FBXW11: variants seen among roughly 807,000 people sequenced by gnomAD.
FBXW11 encodes the protein F-box/WD repeat-containing protein 11.
FBXW11 carries 19 observed loss-of-function variants against 77.6 expected under a neutral mutation model. That is an observed-to-expected ratio of 0.24 (90% CI 0.17 to 0.36). The LOEUF is 0.36. FBXW11 is among the 10% of genes least tolerant of loss of function. FBXW11 has a pLI of 1.00. For synonymous variants in FBXW11, 235 were observed against 249.4 expected, an observed-to-expected ratio of 0.94 and a Z score of 0.54; for missense variants, 334 against 704.2, an observed-to-expected ratio of 0.47 and a Z score of 5.95.
intron 2 of FBXW11, among the ~76,000 whole-genome samples, chr5:171,931,860 CCTCTCTCTCT>C (rs149065535): frequency 0.037 from 234 of 6,266 alleles, 10 homozygotes; most frequent in African/African-American, 0.076. Flanking sequence ...TCCCTCCCTC[CCTCTCTCTCT>C]CTCTCTCTCT....
chr5:171,935,137 T>G (rs574916794), intron 2 of FBXW11, among the ~76,000 whole-genome samples: 1 of 152,284 alleles, frequency 6.6e-6, no homozygotes, highest in East Asian at 1.9e-4. Context: ...TTTTGTATTT[T>G]TAGTAGAGAC....
intron 1 of FBXW11, among the ~76,000 whole-genome samples, chr5:171,981,931 CA>C (rs1400466253): frequency 6.6e-6 from 1 of 152,146 alleles, no homozygotes; most frequent in African/African-American, 2.4e-5. Flanking sequence ...ACAGTATGTG[CA>C]TCTTGTATGA....
chr5:171,961,835 C>T (rs768125373), intron 1 of FBXW11, among the ~76,000 whole-genome samples: 2 of 152,058 alleles, frequency 1.3e-5, no homozygotes, highest in South Asian at 2.1e-4. Flanking sequence ...TTAGTAGAGA[C>T]GGGGTTTCAC....
intron 7 of FBXW11, among the ~76,000 whole-genome samples, chr5:171,878,552 G>A (rs1262176711): frequency 3.3e-5 from 3 of 92,270 alleles, no homozygotes; most frequent in Non-Finnish European, 5.9e-5. Flanking sequence ...ATCTCCATAA[G>A]AGTGTGTGAG....
At chr5:171,909,250 C>A (rs1760732179) in intron 4 of FBXW11, among the ~76,000 whole-genome samples, 1 of 152,100 alleles carries the variant, frequency 6.6e-6, no homozygotes, top group Non-Finnish European at 1.5e-5. Flanking sequence ...GAGCTCAAGG[C>A]CAGCCTGGCC....
At chr5:171,968,932 T>C (rs1182075201) in intron 1 of FBXW11, among the ~76,000 whole-genome samples, 1 of 152,162 alleles carries the variant, frequency 6.6e-6, no homozygotes, top group Non-Finnish European at 1.5e-5. Context: ...CTACTTTCAT[T>C]TAACAGAGGG....
intron 7 of FBXW11, among the ~76,000 whole-genome samples, chr5:171,885,640 A>G (rs1299383359): frequency 1.3e-5 from 2 of 152,198 alleles, no homozygotes; most frequent in African/African-American, 4.8e-5. Context: ...TAATCTTTCC[A>G]GTGTTCCCAA....
At chr5:171,873,366 G>A (rs936448148) in intron 9 of FBXW11, among the ~76,000 whole-genome samples, 1 of 152,188 alleles carries the variant, frequency 6.6e-6, no homozygotes, top group African/African-American at 2.4e-5. Context: ...AAAGCTTCCA[G>A]CTGGGTACGG....
At chr5:171,977,309 CAAA>C (rs58800740) in intron 1 of FBXW11, among the ~76,000 whole-genome samples, 10 of 62,862 alleles carry the variant, frequency 1.6e-4, no homozygotes, top group Admixed American at 5.7e-4. Context: ...GACCATGTCT[CAAA>C]AAAAAAAAAA....
At chr5:171,891,662 T>C (rs1759356077) in intron 6 of FBXW11, 58 bp from the exon 7 acceptor site, 2 of 1,555,220 alleles carry the variant, frequency 1.3e-6, no homozygotes, top group African/African-American at 1.4e-5. Context: ...TCTATTAGGT[T>C]TCAGACTTTG....
intron 1 of FBXW11, among the ~76,000 whole-genome samples, chr5:171,973,411 A>G (rs1452270750): frequency 6.6e-6 from 1 of 152,254 alleles, no homozygotes; most frequent in East Asian, 1.9e-4. Flanking sequence ...TCCTGAATTC[A>G]AAAGACAAGC....
intron 2 of FBXW11, among the ~76,000 whole-genome samples, chr5:171,940,324 T>C (rs564917508): frequency 5.3e-5 from 8 of 152,238 alleles, no homozygotes; most frequent in African/African-American, 1.2e-4. Context: ...TTCTAATACA[T>C]AGAACAAGGA....
intron 1 of FBXW11, among the ~76,000 whole-genome samples, chr5:171,963,476 A>C (rs986216779): frequency 6.6e-6 from 1 of 152,240 alleles, no homozygotes; most frequent in Non-Finnish European, 1.5e-5. Context: ...TCTCTCTATC[A>C]AACTTGTGAC....
At chr5:171,891,317 G>C (rs1160436061) in intron 7 of FBXW11, 150 bp downstream of exon 7, 2 of 596,688 alleles carry the variant, frequency 3.4e-6, no homozygotes, top group Non-Finnish European at 5.4e-6. Context: ...AAATGCTCTG[G>C]CTCTAGTTCT....
chr5:171,960,210 T>C (rs933960227), intron 1 of FBXW11, among the ~76,000 whole-genome samples: 1 of 152,092 alleles, frequency 6.6e-6, no homozygotes, highest in African/African-American at 2.4e-5. Context: ...ACCCCACCTT[T>C]ACAAATAATA....
chr5:171,915,650 T>TGTGTGTGTGTGTGTGTGTGTGTGA (rs982596459), intron 2 of FBXW11, among the ~76,000 whole-genome samples: 45 of 151,320 alleles, frequency 3.0e-4, no homozygotes, highest in Middle Eastern at 3.4e-3. Context: ...TGTGTGTGTG[T>TGTGTGTGTGTGTGTGTGTGTGTGA]GAGCCTGAGC....
intron 1 of FBXW11, among the ~76,000 whole-genome samples, chr5:171,994,124 A>T (rs1379899279): frequency 1.3e-5 from 2 of 152,232 alleles, no homozygotes; most frequent in Non-Finnish European, 2.9e-5. Context: ...GATTTCTTGA[A>T]ATCAGAATAT....
chr5:171,945,319 A>G (rs1762952691), intron 2 of FBXW11, among the ~76,000 whole-genome samples: 1 of 152,216 alleles, frequency 6.6e-6, no homozygotes, highest in Admixed American at 6.5e-5. Flanking sequence ...TCTGTTTACA[A>G]CTTAAAATAT....
chr5:171,978,368 ATAAG>A (rs954784056), intron 1 of FBXW11, among the ~76,000 whole-genome samples: 1 of 152,224 alleles, frequency 6.6e-6, no homozygotes, highest in African/African-American at 2.4e-5. Flanking sequence ...CTCCACATAT[ATAAG>A]TTTTTTCAAG....
Sources: gnomAD v4.1 joint callset for allele counts (sites outside exome capture counted in the v4.1 genomes callset) on GRCh38, gnomAD v4.1.1 for gene constraint, MANE v1.5 for transcripts, NCBI Gene and HGNC (gene_info 2026-07-23, HGNC 2026-07-21) for gene names.